The following KIF13A variants were observed in gnomAD, a reference collection of about 807,000 sequenced individuals.
KIF13A encodes the protein kinesin-like protein KIF13A.
KIF13A carries 79 observed loss-of-function variants against 212.2 expected under a neutral mutation model. The ratio of observed to expected loss-of-function variants is 0.37; its 90% CI spans 0.31 to 0.45. The LOEUF is 0.45. Ranked by LOEUF, KIF13A falls within the 20% of genes least tolerant of loss-of-function variation. The probability of loss-of-function intolerance (pLI) is 1.00; values close to 1 mark genes in which losing one functional copy is unlikely to be tolerated. For synonymous variants in KIF13A, 789 were observed against 808.6 expected, an observed-to-expected ratio of 0.98 and a Z score of 0.41; for missense variants, 1,901 against 2,209.0, an observed-to-expected ratio of 0.86 and a Z score of 2.79.
Position 17,794,592 on chromosome 6 carries a change from C to A in KIF13A, c.3055G>T (p.Gly1019Cys). 6.2e-7 allele frequency: 1 copy of A among 1,611,536 alleles called. No individual in the cohort carries two copies. The highest frequency in any genetic ancestry group is 8.5e-7 in the Non-Finnish European group (1 of 1,179,178). The change falls in exon 24 of 39, where the codon GGC (glycine) becomes TGC (cysteine). Residue 1019 changes from glycine to cysteine, a missense_variant. Physicochemically the swap from Gly to Cys is radical, Grantham distance 159. This residue lies in a region of KIF13A where 168 missense variants were observed against 250.9 expected (regional missense o/e 0.67). Transcript: ENST00000259711. The surrounding 1 kb of genome is among the most constrained non-coding windows in gnomAD (Gnocchi z 4.1). ...LHQAKDVNTG[G>C]IFQLRQGHSR... is the part of the protein sequence containing the mutation. ...AGTACCTGTCTAAGTTGAAAGATGCCTCCTGTGTTGACATCTTTTGCCTGA... is the reference window on the plus strand; with the variant it reads ...AGTACCTGTCTAAGTTGAAAGATGCATCCTGTGTTGACATCTTTTGCCTGA...
Position 17,825,709 on chromosome 6 carries a change from C to T in KIF13A, c.1786+59G>A, listed in dbSNP as rs1764907901. 1.0e-5 allele frequency: 15 copies of T among 1,492,174 alleles called. No individual in the cohort carries two copies. The South Asian group carries it at 1.6e-4, about 16-fold the overall frequency. 92.4% of individuals were successfully genotyped at this position (1,492,174 alleles called of 1,614,324 possible). On this transcript the variant is annotated intron_variant, in intron 16 of 38. Transcript: ENST00000259711. The surrounding 1 kb of genome is among the most constrained non-coding windows in gnomAD (Gnocchi z 4.5). ...ACACCTGATGCATGCTTATCCCTCA[C>T]TGAATGGTGTGAGGTGAGGAAATGC...
At chr6:17,796,543 C>CTTTTT in intron 23 of KIF13A, 126 bp downstream of exon 23, 1 of 473,514 alleles carries the variant, frequency 2.1e-6, no homozygotes, top group Non-Finnish European at 3.2e-6. Context: ...CCTGGCCATT[C>CTTTTT]TTTTTTTTTT....
At chr6:17,860,420 C>T (rs1422434774) in intron 4 of KIF13A, among the ~76,000 whole-genome samples, 1 of 151,898 alleles carries the variant, frequency 6.6e-6, no homozygotes, top group Non-Finnish European at 1.5e-5. Context: ...AACTCCTGAC[C>T]CTAGGTGATC....
intron 2 of KIF13A, among the ~76,000 whole-genome samples, chr6:17,960,267 A>G (rs1778702027): frequency 6.6e-6 from 1 of 152,222 alleles, no homozygotes; most frequent in African/African-American, 2.4e-5. Flanking sequence ...ATTCTTTGAG[A>G]GTAGCAAAAA....
At chr6:17,983,248 G>C (rs1451217129) in intron 2 of KIF13A, among the ~76,000 whole-genome samples, 1 of 151,300 alleles carries the variant, frequency 6.6e-6, no homozygotes, top group African/African-American at 2.4e-5. Flanking sequence ...GTATATAGTT[G>C]TATTAAAAAT....
chr6:17,852,376 C>T (rs1417880468), intron 6 of KIF13A, among the ~76,000 whole-genome samples: 2 of 152,136 alleles, frequency 1.3e-5, no homozygotes, highest in Non-Finnish European at 2.9e-5. Context: ...ATCAACCTTT[C>T]GGCTATTTCA....
intron 16 of KIF13A, among the ~76,000 whole-genome samples, chr6:17,820,210 T>C (rs1764312415): frequency 6.6e-6 from 1 of 152,092 alleles, no homozygotes; most frequent in South Asian, 2.1e-4. Context: ...CTAGGCATGA[T>C]GAGTGGCCAC....
At chr6:17,846,222 C>T (rs1767036068) in intron 9 of KIF13A, among the ~76,000 whole-genome samples, 1 of 151,760 alleles carries the variant, frequency 6.6e-6, no homozygotes, top group African/African-American at 2.4e-5. Flanking sequence ...TCCCAAAATG[C>T]TGGGACTACA....
intron 34 of KIF13A, 144 bp from the exon 35 acceptor site, chr6:17,775,206 C>T (rs1759846321): frequency 3.3e-6 from 2 of 612,222 alleles, no homozygotes; most frequent in Non-Finnish European, 5.6e-6. Context: ...GGAGTAGTGA[C>T]TACTCTCAAT....
At chr6:17,820,750 C>T (rs10949449) in intron 16 of KIF13A, among the ~76,000 whole-genome samples, 31,532 of 152,144 alleles carry the variant, frequency 0.21, 3,369 homozygotes, top group South Asian at 0.32. Context: ...AGCACTTTCT[C>T]GTCCTCATTA....
At chr6:17,969,374 C>T (rs1482845029) in intron 2 of KIF13A, among the ~76,000 whole-genome samples, 1 of 152,184 alleles carries the variant, frequency 6.6e-6, no homozygotes, top group Admixed American at 6.5e-5. Flanking sequence ...ATAGTATATA[C>T]TCACTAAATG....
In KIF13A at chr6:17,963,058, G is replaced by A. The variant is rs1476307485; in HGVS notation, c.146+23996C>T. Among the ~76,000 whole-genome samples, 5 of 152,206 alleles carry A rather than the reference G, an allele frequency of 3.3e-5. No homozygotes were observed. In the East Asian group the frequency reaches 7.7e-4, roughly 23 times the overall value. ...TATAATTACATAACCAGCAGGTCTA[G>A]TCATCAAATAATTTTGCTTCCCTTT... is the stretch of plus-strand genomic sequence containing the variant. On this transcript the variant is annotated intron_variant, in intron 2 of 38. Coordinates refer to ENST00000259711, the MANE Select transcript of KIF13A (RefSeq NM_022113.6). This position sits in a 1 kb window ranked among gnomAD's most constrained non-coding sequence, Gnocchi z 4.1.
At chr6:17,905,334 G>C (rs1207610555) in intron 2 of KIF13A, among the ~76,000 whole-genome samples, 1 of 152,154 alleles carries the variant, frequency 6.6e-6, no homozygotes, top group Admixed American at 6.5e-5. Flanking sequence ...GGAATATTTA[G>C]AGGAATTAGG....
chr6:17,979,646 A>AAAAC (rs1346013352), intron 2 of KIF13A, among the ~76,000 whole-genome samples: 2 of 152,194 alleles, frequency 1.3e-5, no homozygotes, highest in South Asian at 2.1e-4. Context: ...AAAATATACC[A>AAAAC]AAACAAACAA....
At chr6:17,766,486 T>C (rs1354147905) in intron 38 of KIF13A, among the ~76,000 whole-genome samples, 2 of 152,070 alleles carry the variant, frequency 1.3e-5, no homozygotes, top group African/African-American at 2.4e-5. Context: ...GATCTGCCCG[T>C]CTCAGCCTCC....
At chr6:17,945,090 C>T (rs562082620) in intron 2 of KIF13A, among the ~76,000 whole-genome samples, 31 of 152,152 alleles carry the variant, frequency 2.0e-4, no homozygotes, top group Admixed American at 4.6e-4. Context: ...CTGGGCAACA[C>T]GGCAAGATCC....
intron 4 of KIF13A, among the ~76,000 whole-genome samples, chr6:17,869,018 A>AC (rs1769720924): frequency 2.0e-5 from 3 of 147,074 alleles, no homozygotes; most frequent in Non-Finnish European, 3.0e-5. Context: ...AAAAAAAAAA[A>AC]AACACAAATA....
chr6:17,912,159 C>T lies in KIF13A; in HGVS notation c.147-13979G>A, dbSNP rs1243160145. On this transcript the variant is annotated intron_variant, in intron 2 of 38. Transcript: ENST00000259711. This position sits in a 1 kb window ranked among gnomAD's most constrained non-coding sequence, Gnocchi z 4.2. ...TGCTTGAGGGGATGGATACCCCATTCTCCATGATGTGATTATTACGCATTG... is the reference window on the plus strand; with the variant it reads ...TGCTTGAGGGGATGGATACCCCATTTTCCATGATGTGATTATTACGCATTG... Among the ~76,000 whole-genome samples the T allele has an allele frequency of 6.6e-6, 1 of 152,158 alleles. No individual in the cohort carries two copies. Among genetic ancestry groups the T allele is most frequent in the East Asian group, 1.9e-4 (1 of 5,200 alleles).
rs1561757776 is a variant in KIF13A, at chr6:17,915,954, TAAAAATAAAATA to T, written c.147-17786_147-17775del. 1.6e-5 allele frequency among the ~76,000 whole-genome samples: 2 copies of T among 124,904 alleles called. No homozygotes were observed. Among genetic ancestry groups the T allele is most frequent in the African/African-American group, 6.6e-5 (2 of 30,286 alleles). The allele number at this position is 124,904 out of a possible 152,430, so 81.9% of individuals were successfully genotyped here. ...CCAGTCTCAAAAAAAAAAATAAAAA[TAAAAATAAAATA>T]AAATAAAATAAATTACAGTTCAAAT... On this transcript the variant is annotated intron_variant, in intron 2 of 38. Coordinates refer to ENST00000259711, the MANE Select transcript of KIF13A (RefSeq NM_022113.6). This position sits in a 1 kb window ranked among gnomAD's most constrained non-coding sequence, Gnocchi z 4.4.
Sources: gnomAD v4.1 joint callset for allele counts (sites outside exome capture counted in the v4.1 genomes callset) on GRCh38, gnomAD v4.1.1 for gene constraint, gnomAD v4.1.1 regional missense constraint, Gnocchi (gnomAD v3.1) non-coding constraint, MANE v1.5 for transcripts, NCBI Gene and HGNC (gene_info 2026-07-23, HGNC 2026-07-21) for gene names.